RPF2: variants seen among roughly 807,000 people sequenced by gnomAD.
RPF2 encodes the protein brix domain containing 1.
Under a neutral mutation model 38.9 loss-of-function variants are expected in RPF2, and 21 were observed. The ratio of observed to expected loss-of-function variants is 0.54; its 90% confidence interval spans 0.38 to 0.78. The LOEUF (loss-of-function observed/expected upper bound fraction) is 0.78. RPF2 is among the 30% of genes least tolerant of loss of function. RPF2 has a pLI of 0.00. For missense variants in RPF2, 314 were observed against 358.1 expected, an observed-to-expected ratio of 0.88 and a Z score of 0.99; for synonymous variants, 121 against 126.2, an observed-to-expected ratio of 0.96 and a Z score of 0.28.
intron 1 of RPF2, among the ~76,000 whole-genome samples, chr6:110,983,480 T>G (rs1039710595): frequency 2.0e-5 from 3 of 152,086 alleles, no homozygotes; most frequent in Non-Finnish European, 4.4e-5. Context: ...GCTGAGTAGC[T>G]GGGACTATAG....
At chr6:110,992,073 A>C (rs922304168) in intron 4 of RPF2, among the ~76,000 whole-genome samples, 3 of 152,094 alleles carry the variant, frequency 2.0e-5, no homozygotes, top group African/African-American at 7.2e-5. Flanking sequence ...TTGGGAGGCC[A>C]AGGCAGGTGG....
chr6:111,017,633 G>A (rs1394622500), intron 8 of RPF2, among the ~76,000 whole-genome samples: 3 of 150,240 alleles, frequency 2.0e-5, no homozygotes, highest in South Asian at 2.1e-4. Context: ...GGGCAGAGGC[G>A]CTCCCCACAT....
At chr6:110,995,283 G>T (rs73763446) in intron 4 of RPF2, among the ~76,000 whole-genome samples, 13,815 of 152,120 alleles carry the variant, frequency 0.091, 703 homozygotes, top group Middle Eastern at 0.13. Flanking sequence ...ATATGACATC[G>T]CATGTGGCCT....
Position 110,982,099 on chromosome 6 carries a change from C to G in RPF2, c.-8C>G, listed in dbSNP as rs775684677. The G allele has an allele frequency of 6.2e-7, 1 of 1,614,152 alleles. No individual in the cohort carries two copies. The highest frequency in any genetic ancestry group is 1.1e-5 in the South Asian group (1 of 91,088). On this transcript the variant is annotated 5_prime_UTR_variant, in exon 1 of 10. Transcript: ENST00000441448. ...CCCCCTGGTTAAGAGTTGCAGGTAG[C>G]GGTAGCGATGGACACTCTGGATCGA... is the stretch of plus-strand genomic sequence containing the variant.
intron 5 of RPF2, 37 bp downstream of exon 5, chr6:110,997,301 G>A (rs758469645): frequency 8.0e-7 from 1 of 1,253,256 alleles, no homozygotes; most frequent in East Asian, 2.4e-5. Flanking sequence ...TTCACTGATA[G>A]AGTCAATTTG....
chr6:110,997,098 G>A, intron 4 of RPF2, 85 bp from the exon 5 acceptor site: 1 of 843,460 alleles, frequency 1.2e-6, no homozygotes, highest in Non-Finnish European at 2.0e-6. Context: ...ACCGTGCCTG[G>A]CCTGAAGGTA....
intron 1 of RPF2, among the ~76,000 whole-genome samples, chr6:110,983,511 T>A (rs1023436184): frequency 2.6e-5 from 4 of 151,992 alleles, no homozygotes; most frequent in African/African-American, 9.7e-5. Flanking sequence ...CCACAGCTAA[T>A]TTTTGTATTT....
At chr6:110,999,087 T>C (rs1169920043) in intron 5 of RPF2, among the ~76,000 whole-genome samples, 1 of 152,176 alleles carries the variant, frequency 6.6e-6, no homozygotes, top group Non-Finnish European at 1.5e-5. Flanking sequence ...TAGAATGCCT[T>C]TTCCTTCTGT....
At chr6:111,020,176 T>C (rs1180449241) in intron 8 of RPF2, among the ~76,000 whole-genome samples, 1 of 152,078 alleles carries the variant, frequency 6.6e-6, no homozygotes, top group Non-Finnish European at 1.5e-5. Flanking sequence ...CCTTGGCCTC[T>C]CAAAGTGCTG....
intron 6 of RPF2, among the ~76,000 whole-genome samples, chr6:111,007,631 T>A (rs1410604189): frequency 2.0e-5 from 3 of 152,150 alleles, no homozygotes; most frequent in Admixed American, 6.6e-5. Context: ...AATAAATTAG[T>A]GTAAAGTATT....
rs544570930 is a variant in RPF2 at position 110,999,927 on chromosome 6, A to G, written c.393+140A>G. 5 of 540,074 alleles carry G rather than the reference A, an allele frequency of 9.3e-6. No individual in the cohort carries two copies. The African/African-American group carries it at 9.4e-5, about 10-fold the overall frequency. The allele number at this position is 540,074 out of a possible 1,614,324, so 33.5% of individuals were successfully genotyped here. Reference sequence around the variant, plus strand: ...TTTTGACATGCTCCAGGATAAAAATACAATTTTATTTTACCTTTCTTTTAA... The same window carrying G: ...TTTTGACATGCTCCAGGATAAAAATGCAATTTTATTTTACCTTTCTTTTAA... On this transcript the variant is annotated intron_variant, in intron 6 of 9. Coordinates refer to ENST00000441448, the MANE Select transcript of RPF2 (RefSeq NM_032194.3).
chr6:111,003,901 C>T (rs1351533780), intron 6 of RPF2, among the ~76,000 whole-genome samples: 1 of 152,038 alleles, frequency 6.6e-6, no homozygotes, highest in African/African-American at 2.4e-5. Flanking sequence ...CAACCTCTGC[C>T]TCCCGGGTTC....
chr6:110,984,845 CAAACAAAAAA>C lies in RPF2; in HGVS notation c.24-153_24-144del, dbSNP rs1407937253. Among the ~76,000 whole-genome samples the C allele has an allele frequency of 8.7e-5, 13 of 149,058 alleles. 1 individual carries two copies. Among genetic ancestry groups the C allele is most frequent in the Admixed American group, 4.7e-4 (7 of 15,016 alleles). ...ACAGAGTGAGACTCCATCTCAAAAA[CAAACAAAAAA>C]AAACAAACAAAAAAAAGAAAGTGAG... On this transcript the variant is annotated intron_variant, in intron 1 of 9. Coordinates refer to ENST00000441448, the MANE Select transcript of RPF2 (RefSeq NM_032194.3).
At position 110,989,158 on chromosome 6, in the gene RPF2, T is replaced by TA. The variant is rs1224194227; in HGVS notation, c.194+98dup. 4.8e-6 allele frequency: 6 copies of TA among 1,239,964 alleles called. No individual in the cohort carries two copies. In the African/African-American group the frequency reaches 9.9e-5, roughly 20 times the overall value. The allele number at this position is 1,239,964 out of a possible 1,614,324, so 76.8% of individuals were successfully genotyped here. On this transcript the variant is annotated intron_variant, in intron 3 of 9. Transcript: ENST00000441448. ...GAAGATTTGGAAAACAAAAACTTTT[T>TA]AAAAAGATATTAAAATTCCTTACAG...
At position 111,008,151 on chromosome 6, in the gene RPF2, T is replaced by C. The variant is rs1771949760; in HGVS notation, c.493+14T>C. 6.3e-7 allele frequency: 1 copy of C among 1,587,630 alleles called. No individual in the cohort carries two copies. Among genetic ancestry groups the C allele is most frequent in the Non-Finnish European group, 8.6e-7 (1 of 1,169,564 alleles). On this transcript the variant is annotated intron_variant, in intron 7 of 9. Coordinates refer to ENST00000441448, the MANE Select transcript of RPF2 (RefSeq NM_032194.3). ...GTCTTCTTATTGGTAAGTATTTTAG[T>C]ATTTATTATCTTCAGGGTAGCTCAG... is the stretch of plus-strand genomic sequence containing the variant.
At chr6:111,025,345 T>A (rs1019562232) in intron 9 of RPF2, 58 bp from the exon 10 acceptor site, 78 of 1,239,308 alleles carry the variant, frequency 6.3e-5, no homozygotes, top group Non-Finnish European at 9.2e-6. Flanking sequence ...CAGACTAGAT[T>A]TTTACTGGCT....
chr6:110,994,997 C>T (rs1382625670), intron 4 of RPF2, among the ~76,000 whole-genome samples: 4 of 152,052 alleles, frequency 2.6e-5, no homozygotes, highest in Non-Finnish European at 2.9e-5. Flanking sequence ...CTCCACCTCC[C>T]GGGTTCAAGC....
chr6:111,011,012 A>G (rs536196141), intron 7 of RPF2, among the ~76,000 whole-genome samples: 1 of 152,324 alleles, frequency 6.6e-6, no homozygotes, highest in South Asian at 2.1e-4. Context: ...TTCCCATTTC[A>G]CAGATGGGAA....
At chr6:110,990,088 G>A (rs1469455960) in intron 3 of RPF2, among the ~76,000 whole-genome samples, 1 of 151,830 alleles carries the variant, frequency 6.6e-6, no homozygotes, top group Admixed American at 6.6e-5. Flanking sequence ...ACGGGCATGC[G>A]CCACCACGCC....
Sources: gnomAD v4.1 joint callset for allele counts (sites outside exome capture counted in the v4.1 genomes callset) on GRCh38, gnomAD v4.1.1 for gene constraint, MANE v1.5 for transcripts, NCBI Gene and HGNC (gene_info 2026-07-23, HGNC 2026-07-21) for gene names.